TOX: variants seen among roughly 807,000 people sequenced by gnomAD.
TOX encodes the protein thymocyte selection-associated high mobility group box protein TOX.
In TOX, 11 loss-of-function variants were observed where a neutral mutation model predicts 53.7. The observed-to-expected ratio is 0.20, with a 90% CI of 0.13 to 0.34. The LOEUF is 0.34. Among genes scored for constraint, TOX ranks in the 10% least tolerant of loss-of-function variants. TOX has a pLI of 1.00. For synonymous variants in TOX, 225 were observed against 245.3 expected, an observed-to-expected ratio of 0.92 and a Z score of 0.77; for missense variants, 570 against 664.6, an observed-to-expected ratio of 0.86 and a Z score of 1.56.
chr8:59,104,697 T>C (rs1394094665), intron 1 of TOX, among the ~76,000 whole-genome samples: 1 of 152,196 alleles, frequency 6.6e-6, no homozygotes, highest in East Asian at 1.9e-4. Context: ...GGCTTTTATT[T>C]TGAGTTATCA....
At chr8:58,894,194 G>C (rs1255796779) in intron 3 of TOX, among the ~76,000 whole-genome samples, 6 of 152,192 alleles carry the variant, frequency 3.9e-5, no homozygotes, top group Admixed American at 1.3e-4. Flanking sequence ...CATGCCATGC[G>C]ACAATGGGTC....
chr8:58,877,324 T>A (rs952005490), intron 3 of TOX, among the ~76,000 whole-genome samples: 3 of 152,182 alleles, frequency 2.0e-5, no homozygotes, highest in African/African-American at 7.2e-5. Context: ...AAAATAGCTA[T>A]GGAACAGTGA....
chr8:58,987,472 A>G (rs1230058711), intron 1 of TOX, among the ~76,000 whole-genome samples: 1 of 152,236 alleles, frequency 6.6e-6, no homozygotes, highest in Non-Finnish European at 1.5e-5. Flanking sequence ...CGTTTGTAAT[A>G]TAGATGGCAC....
At chr8:59,001,027 G>C (rs569336582) in intron 1 of TOX, among the ~76,000 whole-genome samples, 1 of 152,052 alleles carries the variant, frequency 6.6e-6, no homozygotes, top group East Asian at 1.9e-4. Flanking sequence ...AAAGAATTAT[G>C]ATAGCAAGCT....
chr8:59,009,034 C>T (rs2129418591), intron 1 of TOX, among the ~76,000 whole-genome samples: 1 of 151,810 alleles, frequency 6.6e-6, no homozygotes, highest in South Asian at 2.1e-4. Context: ...TCCTTCTTTT[C>T]CTCCCTCTTT....
At chr8:58,975,964 C>T (rs761056567) in intron 1 of TOX, among the ~76,000 whole-genome samples, 3 of 152,036 alleles carry the variant, frequency 2.0e-5, no homozygotes, top group Non-Finnish European at 4.4e-5. Context: ...CCCAGCTTCT[C>T]AGGAGGCTGA....
At chr8:58,864,647 C>G (rs552038393) in intron 3 of TOX, among the ~76,000 whole-genome samples, 39 of 152,282 alleles carry the variant, frequency 2.6e-4, no homozygotes, top group African/African-American at 8.7e-4. Flanking sequence ...ACATTTCCAT[C>G]AAAACCTTTC....
intron 1 of TOX, among the ~76,000 whole-genome samples, chr8:59,108,270 T>G (rs1260404700): frequency 6.6e-6 from 1 of 152,204 alleles, no homozygotes; most frequent in Non-Finnish European, 1.5e-5. Context: ...AAATATCAAT[T>G]GCTTGCCAGA....
At chr8:58,901,140 AGT>A (rs1811728853) in intron 3 of TOX, among the ~76,000 whole-genome samples, 3 of 152,162 alleles carry the variant, frequency 2.0e-5, no homozygotes, top group African/African-American at 7.2e-5. Context: ...CTTTGAATAA[AGT>A]GTCTTTTATT....
chr8:59,067,592 A>G (rs1241315626), intron 1 of TOX, among the ~76,000 whole-genome samples: 1 of 152,068 alleles, frequency 6.6e-6, no homozygotes, highest in Admixed American at 6.5e-5. Flanking sequence ...TAAAACTACA[A>G]TAATAACAAA....
At chr8:58,900,731 A>T (rs141615501) in intron 3 of TOX, among the ~76,000 whole-genome samples, 56 of 152,274 alleles carry the variant, frequency 3.7e-4, no homozygotes, top group Middle Eastern at 6.8e-3. Context: ...GCAAATAAAG[A>T]AAGTCTAGGA....
chr8:59,037,587 C>G (rs528089868), intron 1 of TOX, among the ~76,000 whole-genome samples: 3 of 152,048 alleles, frequency 2.0e-5, no homozygotes, highest in Non-Finnish European at 4.4e-5. Flanking sequence ...GCAGATCACA[C>G]GGTCAGGAGT....
chr8:58,809,862 G>T (rs1810047138), intron 7 of TOX, among the ~76,000 whole-genome samples: 1 of 152,138 alleles, frequency 6.6e-6, no homozygotes, highest in Non-Finnish European at 1.5e-5. Context: ...GTATTCTCAG[G>T]GCCTAGCCCA....
intron 1 of TOX, among the ~76,000 whole-genome samples, chr8:59,001,467 G>T (rs931537750): frequency 6.6e-6 from 1 of 152,152 alleles, no homozygotes; most frequent in African/African-American, 2.4e-5. Context: ...GCAACTCACA[G>T]CAATCAGTCA....
intron 1 of TOX, among the ~76,000 whole-genome samples, chr8:58,975,350 G>C (rs1216504465): frequency 6.6e-6 from 1 of 151,890 alleles, no homozygotes; most frequent in Non-Finnish European, 1.5e-5. Context: ...CTAACAAAGG[G>C]GAGTCTATGA....
intron 1 of TOX, among the ~76,000 whole-genome samples, chr8:59,013,269 G>A (rs1167247162): frequency 1.3e-5 from 2 of 152,112 alleles, no homozygotes; most frequent in African/African-American, 4.8e-5. Flanking sequence ...ATCTTATTCT[G>A]GATGTTACTA....
intron 1 of TOX, among the ~76,000 whole-genome samples, chr8:59,030,718 G>A (rs551388924): frequency 1.2e-4 from 19 of 152,172 alleles, no homozygotes; most frequent in Non-Finnish European, 1.0e-4. Context: ...ATGTTCCAAC[G>A]GTAATAAAAC....
At chr8:59,101,736 T>G (rs1324117333) in intron 1 of TOX, among the ~76,000 whole-genome samples, 1 of 152,086 alleles carries the variant, frequency 6.6e-6, no homozygotes, top group East Asian at 1.9e-4. Flanking sequence ...AACAAAAACT[T>G]CCAAAACCAG....
At chr8:59,028,120 C>T (rs1250942265) in intron 1 of TOX, among the ~76,000 whole-genome samples, 2 of 152,122 alleles carry the variant, frequency 1.3e-5, no homozygotes, top group Non-Finnish European at 2.9e-5. Context: ...GCAGTGAGCT[C>T]CCCTTAATAA....
Sources: gnomAD v4.1 joint callset for allele counts (sites outside exome capture counted in the v4.1 genomes callset) on GRCh38, gnomAD v4.1.1 for gene constraint, MANE v1.5 for transcripts, NCBI Gene and HGNC (gene_info 2026-07-23, HGNC 2026-07-21) for gene names.